CDH18: variants seen among roughly 807,000 people sequenced by gnomAD.
CDH18 encodes cadherin 18, also known as cadherin-18.
A neutral mutation model predicts 67.9 loss-of-function variants in CDH18; 31 were observed. That is an observed-to-expected ratio of 0.46 (90% CI 0.34 to 0.62). CDH18 has a LOEUF of 0.62. CDH18 is among the 20% of genes least tolerant of loss of function. The probability of loss-of-function intolerance (pLI) is 0.01; values close to 1 mark genes in which losing one functional copy is unlikely to be tolerated. For synonymous variants in CDH18, 362 were observed against 347.2 expected (o/e 1.04, Z -0.48); for missense variants, 890 against 975.5 (o/e 0.91, Z 1.17).
intron 2 of CDH18, among the ~76,000 whole-genome samples, chr5:20,002,664 C>T (rs1001228220): frequency 1.1e-4 from 17 of 152,058 alleles, no homozygotes; most frequent in African/African-American, 3.9e-4. Flanking sequence ...AGGATGAGAA[C>T]ACATTACAAA....
At chr5:19,839,910 A>C (rs1312874523) in intron 2 of CDH18, among the ~76,000 whole-genome samples, 1 of 152,114 alleles carries the variant, frequency 6.6e-6, no homozygotes, top group East Asian at 1.9e-4. Flanking sequence ...GGATTAAAGA[A>C]AGAAAAAAAT....
At chr5:20,478,761 A>G (rs570952238) in intron 1 of CDH18, among the ~76,000 whole-genome samples, 10 of 152,300 alleles carry the variant, frequency 6.6e-5, no homozygotes, top group South Asian at 6.2e-4. Flanking sequence ...AGTGAACATC[A>G]GCAATAGCCA....
chr5:20,095,448 G>GAAAGA (rs1561786332), intron 2 of CDH18, among the ~76,000 whole-genome samples: 38 of 83,594 alleles, frequency 4.5e-4, no homozygotes, highest in South Asian at 1.4e-3. Flanking sequence ...AGAAAGAAAA[G>GAAAGA]AAAGAAAGAA....
intron 1 of CDH18, among the ~76,000 whole-genome samples, chr5:20,287,851 T>C (rs967985441): frequency 1.3e-5 from 2 of 151,782 alleles, no homozygotes; most frequent in African/African-American, 4.8e-5. Context: ...ACTCATGCCA[T>C]GGAATAATAG....
chr5:20,469,215 C>A (rs990843251), intron 1 of CDH18, among the ~76,000 whole-genome samples: 3 of 152,124 alleles, frequency 2.0e-5, no homozygotes, highest in Admixed American at 6.5e-5. Context: ...TTGCACATAG[C>A]GAACAATCCA....
At chr5:20,466,407 C>G (rs1240104662) in intron 1 of CDH18, among the ~76,000 whole-genome samples, 2 of 152,012 alleles carry the variant, frequency 1.3e-5, no homozygotes, top group Admixed American at 6.6e-5. Flanking sequence ...AATCTTGCAG[C>G]CTTGCCGTGC....
At chr5:19,697,536 T>C (rs1282600271) in intron 5 of CDH18, among the ~76,000 whole-genome samples, 2 of 152,116 alleles carry the variant, frequency 1.3e-5, no homozygotes, top group Admixed American at 6.5e-5. Flanking sequence ...TTATGCAAAG[T>C]TTACACATAA....
chr5:20,204,002 A>G (rs1278154656), intron 2 of CDH18, among the ~76,000 whole-genome samples: 2 of 152,104 alleles, frequency 1.3e-5, no homozygotes, highest in East Asian at 3.9e-4. Flanking sequence ...CTGCAAATAG[A>G]GAAAATTATC....
chr5:20,079,664 C>T (rs1037388926), intron 2 of CDH18, among the ~76,000 whole-genome samples: 1 of 152,060 alleles, frequency 6.6e-6, no homozygotes, highest in African/African-American at 2.4e-5. Context: ...ACCTTTTCTC[C>T]ACATCATCAC....
rs575106488 is a variant in CDH18, at chr5:19,805,995, C to T, written c.228+32764G>A. Among the ~76,000 whole-genome samples the T allele has an allele frequency of 5.3e-4, 80 of 152,222 alleles. No homozygotes were observed. The South Asian group carries it at 0.014, about 26-fold the overall frequency. ...AGGATTGTACTCAGTCACCCATCCA[C>T]GTTCTCTGGCATTATTCTCAGGCCC... On this transcript the variant is annotated intron_variant, in intron 3 of 12. Coordinates refer to ENST00000382275, the MANE Select transcript of CDH18 (RefSeq NM_004934.5).
At chr5:20,091,686 T>C (rs1231306840) in intron 2 of CDH18, among the ~76,000 whole-genome samples, 1 of 152,152 alleles carries the variant, frequency 6.6e-6, no homozygotes, top group East Asian at 1.9e-4. Context: ...TTATTCTTCT[T>C]ATAAAAATTA....
At chr5:19,785,679 AATATATATATATATAT>A (rs869169879) in intron 3 of CDH18, among the ~76,000 whole-genome samples, 164 of 28,066 alleles carry the variant, frequency 5.8e-3, no homozygotes, top group African/African-American at 9.0e-3. Flanking sequence ...AAAAAAAAAA[AATATATATATATATAT>A]ATATATATAT....
chr5:19,842,465 GAAA>G lies in CDH18; in HGVS notation c.-256-3226_-256-3224del, dbSNP rs372755291. ...GCACTTCTCTCTCCTGATGCCTTGTGAAAAAGAACATGTTTGCTTCCCATTTTG... is the reference window on the plus strand; with the variant it reads ...GCACTTCTCTCTCCTGATGCCTTGTGAAGAACATGTTTGCTTCCCATTTTG... On this transcript the variant is annotated intron_variant, in intron 2 of 12. Coordinates refer to ENST00000382275, the MANE Select transcript of CDH18 (RefSeq NM_004934.5). 1.6e-3 allele frequency among the ~76,000 whole-genome samples: 243 copies of G among 152,238 alleles called. 3 individuals carry two copies. The East Asian group carries it at 0.036, about 23-fold the overall frequency.
intron 1 of CDH18, among the ~76,000 whole-genome samples, chr5:20,328,966 G>A (rs1330210713): frequency 6.6e-6 from 1 of 152,090 alleles, no homozygotes; most frequent in African/African-American, 2.4e-5. Context: ...GGGTTACAGA[G>A]TAAGATCTCA....
chr5:19,920,498 CATTTAACCTTACT>C (rs1792310582), intron 2 of CDH18, among the ~76,000 whole-genome samples: 1 of 143,494 alleles, frequency 7.0e-6, no homozygotes, highest in Non-Finnish European at 1.5e-5. Flanking sequence ...TTAGACACGA[CATTTAACCTTACT>C]TTTTTTTTTT....
intron 1 of CDH18, among the ~76,000 whole-genome samples, chr5:20,521,286 G>A (rs1755726591): frequency 6.6e-6 from 1 of 152,098 alleles, no homozygotes; most frequent in Non-Finnish European, 1.5e-5. Flanking sequence ...GGCAAGTCAA[G>A]CAAAATGGTT....
chr5:19,980,466 G>A (rs1346160671), intron 2 of CDH18, among the ~76,000 whole-genome samples: 1 of 152,066 alleles, frequency 6.6e-6, no homozygotes, highest in Non-Finnish European at 1.5e-5. Context: ...TATTGAATAT[G>A]TGTTCATATG....
At position 19,582,478 on chromosome 5, in the gene CDH18, C is replaced by G. The variant is rs564122216; in HGVS notation, c.999+8579G>C. Reference sequence around the variant, plus strand: ...TGAACAGCATGAAAAATAATTTACCCAATAGCGTTTCCGTGTCAAAGTCAT... The same window carrying G: ...TGAACAGCATGAAAAATAATTTACCGAATAGCGTTTCCGTGTCAAAGTCAT... On this transcript the variant is annotated intron_variant, in intron 7 of 12. Coordinates refer to ENST00000382275, the MANE Select transcript of CDH18 (RefSeq NM_004934.5). Among the ~76,000 whole-genome samples the G allele has an allele frequency of 2.6e-5, 4 of 152,022 alleles. No individual in the cohort carries two copies. In the South Asian group the frequency reaches 6.2e-4, roughly 24 times the overall value.
In CDH18 at chr5:20,152,923, C is replaced by T. The variant is rs1036349428; in HGVS notation, c.-518+102521G>A. 2.0e-5 allele frequency among the ~76,000 whole-genome samples: 3 copies of T among 150,590 alleles called. No individual in the cohort carries two copies. In the East Asian group the frequency reaches 5.9e-4, roughly 30 times the overall value. ...CAGCCATTCTGAATCCATATATAGA[C>T]AACTAAGGATGAGGAATTTTTTTTT... is the stretch of plus-strand genomic sequence containing the variant. On this transcript the variant is annotated intron_variant, in intron 2 of 14. Coordinates refer to the CDH18 transcript ENST00000507958.
Sources: allele counts gnomAD v4.1 joint callset (sites outside exome capture counted in the v4.1 genomes callset), GRCh38; gene constraint gnomAD v4.1.1; transcripts MANE v1.5; gene names NCBI Gene and HGNC (gene_info 2026-07-23, HGNC 2026-07-21).